Variants in APBA2 observed in about 807,000 individuals in gnomAD.
APBA2 encodes the protein amyloid beta precursor protein binding family A member 2.
A neutral mutation model predicts 75.0 loss-of-function variants in APBA2; 30 were observed. The observed-to-expected ratio is 0.40, with a 90% CI of 0.30 to 0.54. The LOEUF (loss-of-function observed/expected upper bound fraction) is 0.54, where lower values mean the gene tolerates loss of function less well. APBA2 is among the 20% of genes least tolerant of loss of function. The pLI is 0.49. For missense variants in APBA2, 801 were observed against 1,016.1 expected, an observed-to-expected ratio of 0.79 and a Z score of 2.88; for synonymous variants, 444 against 409.6, an observed-to-expected ratio of 1.08 and a Z score of -1.01.
At chr15:29,092,779 C>T (rs564312817) in intron 6 of APBA2, among the ~76,000 whole-genome samples, 38 of 152,306 alleles carry the variant, frequency 2.5e-4, no homozygotes, top group African/African-American at 8.7e-4. Context: ...TCTGGATTTG[C>T]AGCCTGTGAT....
rs1213551629 is a variant in APBA2, at chr15:29,054,398, C to T, written c.514C>T (p.Pro172Ser). ...CCAACTGCCCATTCCGGAGGATGAG[C>T]CCTCCGTCCTTGAGGCCCATGACCA... is the stretch of plus-strand genomic sequence containing the variant. ...DGQLPIPEDEPSVLEAHDQEE... is the reference protein window; with the variant it reads ...DGQLPIPEDESSVLEAHDQEE... The change falls in exon 4 of 15, where the codon CCC becomes TCC. Residue 172 changes from proline (P) to serine (S), a missense_variant. This residue lies in a region of APBA2 where 434 missense variants were observed against 471.6 expected (regional missense o/e 0.92). Coordinates refer to ENST00000683413, the MANE Select transcript of APBA2 (RefSeq NM_001353788.2). This position sits in a 1 kb window ranked among gnomAD's most constrained non-coding sequence, Gnocchi z 6.1. 8 of 1,614,000 alleles carry T rather than the reference C, an allele frequency of 5.0e-6. No individual in the cohort carries two copies. Among genetic ancestry groups the T allele is most frequent in the African/African-American group, 1.3e-5 (1 of 74,932 alleles).
At chr15:29,072,306 A>G (rs554563408) in intron 4 of APBA2, among the ~76,000 whole-genome samples, 11 of 152,272 alleles carry the variant, frequency 7.2e-5, no homozygotes, top group African/African-American at 2.4e-4. Context: ...GTGTTGGGGA[A>G]CTTTCAGACA....
intron 3 of APBA2, among the ~76,000 whole-genome samples, chr15:29,002,349 A>G (rs1375768035): frequency 6.6e-6 from 1 of 152,200 alleles, no homozygotes; most frequent in African/African-American, 2.4e-5. Context: ...AAAGAATTGC[A>G]TTTCCATACA....
intron 3 of APBA2, among the ~76,000 whole-genome samples, chr15:28,999,146 C>CA (rs35437952): frequency 1.6e-4 from 16 of 99,416 alleles, no homozygotes; most frequent in Admixed American, 5.6e-4. Flanking sequence ...GACTCCATCT[C>CA]AAAAAAAAAG....
In APBA2 at chr15:29,022,661, C is replaced by T. The variant is rs532127506; in HGVS notation, c.-41+26855C>T. Among the ~76,000 whole-genome samples the T allele has an allele frequency of 1.3e-4, 20 of 152,148 alleles. No individual in the cohort carries two copies. In the South Asian group the frequency reaches 3.7e-3, roughly 28 times the overall value. On this transcript the variant is annotated intron_variant, in intron 3 of 14. Transcript: ENST00000683413. ...TTCTGCTGGTCTATTTGTATACTCT[C>T]GTGGAATAAAAAATTCTATGGTTTT...
At chr15:28,930,452 A>G (rs1268886978) in intron 2 of APBA2, among the ~76,000 whole-genome samples, 1 of 152,076 alleles carries the variant, frequency 6.6e-6, no homozygotes, top group Non-Finnish European at 1.5e-5. Context: ...TTCTTTGGTT[A>G]CTTTCAGTCC....
intron 6 of APBA2, among the ~76,000 whole-genome samples, chr15:29,085,922 GC>G (rs1278766584): frequency 6.6e-6 from 1 of 152,098 alleles, no homozygotes; most frequent in Non-Finnish European, 1.5e-5. Context: ...CTCCTAAATG[GC>G]CCCCAAGGAC....
At chr15:29,017,455 C>T (rs1308991540) in intron 3 of APBA2, among the ~76,000 whole-genome samples, 3 of 146,750 alleles carry the variant, frequency 2.0e-5, no homozygotes, top group African/African-American at 7.6e-5. Flanking sequence ...CTGCAACCTC[C>T]ACCTCCTAGG....
At chr15:28,950,034 A>G (rs895474496) in intron 2 of APBA2, among the ~76,000 whole-genome samples, 3 of 152,072 alleles carry the variant, frequency 2.0e-5, no homozygotes, top group African/African-American at 4.8e-5. Flanking sequence ...TACGTTACCT[A>G]TAGTCCTTGC....
intron 4 of APBA2, among the ~76,000 whole-genome samples, chr15:29,064,549 G>A (rs1311902118): frequency 2.0e-5 from 3 of 152,218 alleles, no homozygotes; most frequent in Admixed American, 2.0e-4. Context: ...GGGACAGGCG[G>A]AGAGGCTCTG....
chr15:29,054,328 C>A lies in APBA2; in HGVS notation c.444C>A (p.His148Gln), dbSNP rs578050970. 5 of 1,613,862 alleles carry A rather than the reference C, an allele frequency of 3.1e-6. No individual in the cohort carries two copies. The highest frequency in any genetic ancestry group is 3.4e-6 in the Non-Finnish European group (4 of 1,180,000). The change falls in exon 4 of 15, where the codon CAC becomes CAA. Residue 148 changes from histidine to glutamine, a missense_variant. His to Gln is a conservative substitution (Grantham distance 24). Coordinates refer to ENST00000683413, the MANE Select transcript of APBA2 (RefSeq NM_001353788.2). This position sits in a 1 kb window ranked among gnomAD's most constrained non-coding sequence, Gnocchi z 6.1. ...AGTGGACGGACTCGGCGGGCCCGCA[C>A]CCCCACGGCCACGAGGCTGAAGGCA... Reference protein sequence around the residue: ...VEEWTDSAGPHPHGHEAEGSQ... With the variant: ...VEEWTDSAGPQPHGHEAEGSQ...
intron 2 of APBA2, among the ~76,000 whole-genome samples, chr15:28,973,951 G>A (rs1907000): frequency 0.11 from 17,051 of 152,106 alleles, 2,930 homozygotes; most frequent in African/African-American, 0.37. Flanking sequence ...AAATACACAC[G>A]GTCAATATAA....
At chr15:28,936,106 G>C (rs964790782) in intron 2 of APBA2, among the ~76,000 whole-genome samples, 1 of 152,190 alleles carries the variant, frequency 6.6e-6, no homozygotes, top group East Asian at 1.9e-4. Flanking sequence ...AATAGACGCA[G>C]AGTTTGGCTT....
chr15:29,108,138 A>T lies in APBA2; in HGVS notation c.1918-132A>T. 4 of 1,328,572 alleles carry T rather than the reference A, an allele frequency of 3.0e-6. No individual in the cohort carries two copies. In the South Asian group the frequency reaches 4.8e-5, roughly 16 times the overall value. 82.3% of individuals were successfully genotyped at this position (1,328,572 alleles called of 1,614,324 possible). A position where few individuals can be genotyped will look rare whatever the true frequency, so the allele number is the denominator to read the frequency against. ...GCACAGAGGGGCTACCGAGGCTGAG[A>T]GGGGACTGCCTGCCTCTCCCATTGT... On this transcript the variant is annotated intron_variant, in intron 12 of 14. Coordinates refer to ENST00000683413, the MANE Select transcript of APBA2 (RefSeq NM_001353788.2).
At chr15:28,983,439 C>T (rs745736511) in intron 2 of APBA2, among the ~76,000 whole-genome samples, 10 of 152,128 alleles carry the variant, frequency 6.6e-5, no homozygotes, top group African/African-American at 2.4e-4. Flanking sequence ...TGGGCCCATG[C>T]GTGACAATTC....
intron 4 of APBA2, chr15:29,070,974 G>C: frequency 1.6e-5 from 7 of 437,372 alleles, no homozygotes; most frequent in Non-Finnish European, 3.2e-5. Context: ...CAGGCCACTG[G>C]GGATGGCTGT....
chr15:29,048,907 C>T (rs2041470313), intron 3 of APBA2, among the ~76,000 whole-genome samples: 1 of 151,020 alleles, frequency 6.6e-6, no homozygotes, highest in Admixed American at 6.6e-5. Flanking sequence ...CACACCACTG[C>T]ACTCCGGCCT....
chr15:29,103,608 G>A lies in APBA2; in HGVS notation c.1525-1771G>A, dbSNP rs1028778139. 1.8e-4 allele frequency among the ~76,000 whole-genome samples: 27 copies of A among 152,316 alleles called. 1 individual carries two copies. Among genetic ancestry groups the A allele is most frequent in the African/African-American group, 6.0e-4 (25 of 41,588 alleles). ...TGACACCGGAAGGAGGCGCAGCCCC[G>A]CGGAGCCGGCTCCCCGGGCTTGGAG... On this transcript the variant is annotated intron_variant, in intron 10 of 14. Transcript: ENST00000683413.
chr15:29,048,305 G>T (rs2041438832), intron 3 of APBA2, among the ~76,000 whole-genome samples: 1 of 152,264 alleles, frequency 6.6e-6, no homozygotes, highest in East Asian at 1.9e-4. Context: ...CTGGGATCGT[G>T]CTACTGCACT....
Sources: allele counts gnomAD v4.1 joint callset (sites outside exome capture counted in the v4.1 genomes callset), GRCh38; gene constraint gnomAD v4.1.1; regional missense constraint gnomAD v4.1.1; non-coding constraint Gnocchi (gnomAD v3.1); transcripts MANE v1.5; gene names NCBI Gene and HGNC (gene_info 2026-07-23, HGNC 2026-07-21).